Variants in SAMD12 observed in about 807,000 individuals in gnomAD.
SAMD12 encodes sterile alpha motif domain containing 12, also known as sterile alpha motif domain-containing protein 12.
SAMD12 carries 9 observed loss-of-function variants against 15.0 expected under a neutral mutation model. The observed-to-expected ratio is 0.60, with a 90% CI of 0.36 to 1.05. SAMD12 has a LOEUF of 1.05. Ranked by LOEUF, SAMD12 falls within the 50% of genes least tolerant of loss-of-function variation. The pLI, the probability that SAMD12 is intolerant of heterozygous loss-of-function variation, is 0.01. For missense variants in SAMD12, 230 were observed against 234.2 expected, an observed-to-expected ratio of 0.98 and a Z score of 0.12; for synonymous variants, 86 against 90.1, an observed-to-expected ratio of 0.96 and a Z score of 0.25.
intron 4 of SAMD12, among the ~76,000 whole-genome samples, chr8:118,240,750 G>A (rs1563711146): frequency 2.0e-5 from 3 of 146,366 alleles, no homozygotes; most frequent in Admixed American, 7.2e-5. Context: ...ATTGGATTAT[G>A]CAAAAGGAAT....
chr8:118,422,120 A>G (rs1822025309), intron 3 of SAMD12, among the ~76,000 whole-genome samples: 1 of 152,248 alleles, frequency 6.6e-6, no homozygotes, highest in African/African-American at 2.4e-5. Context: ...AGAAATGAAG[A>G]AAGGCTTTTA....
At position 118,529,204 on chromosome 8, in the gene SAMD12, T is replaced by A. The variant is rs548378881; in HGVS notation, c.192+51511A>T. Among the ~76,000 whole-genome samples, 71 of 152,312 alleles carry A rather than the reference T, an allele frequency of 4.7e-4. No individual in the cohort carries two copies. The South Asian group carries it at 0.014, about 31-fold the overall frequency. On this transcript the variant is annotated intron_variant, in intron 2 of 3. Coordinates refer to ENST00000314727, the MANE Select transcript of SAMD12 (RefSeq NM_207506.3). Reference sequence around the variant, plus strand: ...GTTTTTGCTTCCCTCTTAATCTGTTTCATTTACTTTTCAGAGGCCTCAGCT... The same window carrying A: ...GTTTTTGCTTCCCTCTTAATCTGTTACATTTACTTTTCAGAGGCCTCAGCT...
chr8:118,492,961 G>GGA lies in SAMD12; in HGVS notation c.193-53002_193-53001dup, dbSNP rs141850091. ...ATACTACACCAAAATGCAATTTACT[G>GGA]GAGAAGGCATCTCTGCTACATACCC... On this transcript the variant is annotated intron_variant, in intron 2 of 3. Coordinates refer to ENST00000314727, the MANE Select transcript of SAMD12 (RefSeq NM_207506.3). Among the ~76,000 whole-genome samples, 101 of 152,200 alleles carry GGA rather than the reference G, an allele frequency of 6.6e-4. No homozygotes were observed. In the East Asian group the frequency reaches 0.014, roughly 22 times the overall value.
the SAMD12 span, among the ~76,000 whole-genome samples, chr8:118,163,089 T>A: frequency 6.6e-6 from 1 of 151,960 alleles, no homozygotes; most frequent in Non-Finnish European, 1.5e-5. Context: ...GATGGAAAGG[T>A]AGTTTGTAAA....
chr8:118,451,434 G>A (rs1161749487), intron 2 of SAMD12, among the ~76,000 whole-genome samples: 1 of 152,154 alleles, frequency 6.6e-6, no homozygotes, highest in East Asian at 1.9e-4. Flanking sequence ...CGTGGAAGGA[G>A]GTGCATTTCC....
At chr8:118,420,895 C>T (rs1333648005) in intron 3 of SAMD12, among the ~76,000 whole-genome samples, 2 of 152,156 alleles carry the variant, frequency 1.3e-5, no homozygotes, top group South Asian at 4.2e-4. Context: ...ATCTGGCCTG[C>T]CACCTGTTTT....
At chr8:118,589,329 T>C (rs1479240065) in intron 1 of SAMD12, among the ~76,000 whole-genome samples, 5 of 152,194 alleles carry the variant, frequency 3.3e-5, no homozygotes, top group Non-Finnish European at 2.9e-5. Context: ...GGACATGGTC[T>C]TCTCTGGGCC....
At chr8:118,265,615 A>G (rs1190403874) in intron 4 of SAMD12, among the ~76,000 whole-genome samples, 1 of 151,936 alleles carries the variant, frequency 6.6e-6, no homozygotes, top group East Asian at 1.9e-4. Context: ...AATCAGTTGG[A>G]ACTAGATTCC....
intron 2 of SAMD12, among the ~76,000 whole-genome samples, chr8:118,443,357 G>A (rs947198193): frequency 9.9e-5 from 15 of 152,040 alleles, no homozygotes; most frequent in Non-Finnish European, 1.8e-4. Context: ...CCAGCTACGC[G>A]GGAGACAGGA....
At chr8:118,173,929 C>CTATA in the SAMD12 span, among the ~76,000 whole-genome samples, 3 of 149,878 alleles carry the variant, frequency 2.0e-5, no homozygotes, top group African/African-American at 7.3e-5. Flanking sequence ...CACATCCAGC[C>CTATA]TATATATATA....
At chr8:118,488,400 T>C (rs138153619) in intron 2 of SAMD12, among the ~76,000 whole-genome samples, 169 of 152,308 alleles carry the variant, frequency 1.1e-3, no homozygotes, top group African/African-American at 4.0e-3. Context: ...AACAGGAAGG[T>C]GCACTAATCT....
chr8:118,256,467 A>G (rs967345283), intron 4 of SAMD12, among the ~76,000 whole-genome samples: 1 of 152,088 alleles, frequency 6.6e-6, no homozygotes, highest in Non-Finnish European at 1.5e-5. Context: ...AACCTATAAA[A>G]TATAAGAAGA....
intron 1 of SAMD12, among the ~76,000 whole-genome samples, chr8:118,615,361 A>C (rs1054392405): frequency 6.6e-6 from 1 of 152,090 alleles, no homozygotes; most frequent in African/African-American, 2.4e-5. Flanking sequence ...CATTCAGTCT[A>C]ATCTGCTTCT....
intron 4 of SAMD12, among the ~76,000 whole-genome samples, chr8:118,305,095 G>A (rs1815256473): frequency 7.7e-6 from 1 of 129,364 alleles, no homozygotes; most frequent in South Asian, 2.6e-4. Context: ...GTTGCAGTGA[G>A]CCAAGATCGC....
intron 4 of SAMD12, among the ~76,000 whole-genome samples, chr8:118,352,169 T>C (rs575206028): frequency 6.6e-6 from 1 of 152,348 alleles, no homozygotes; most frequent in East Asian, 1.9e-4. Context: ...ACAGTAATGC[T>C]GTTGAAGCAG....
At chr8:118,239,287 T>C (rs1043964269) in intron 4 of SAMD12, among the ~76,000 whole-genome samples, 7 of 152,158 alleles carry the variant, frequency 4.6e-5, no homozygotes, top group Admixed American at 3.3e-4. Context: ...ACTAGGAATA[T>C]AGTAGTAAAT....
chr8:118,374,343 C>T (rs187581568), downstream of SAMD12, among the ~76,000 whole-genome samples: 1 of 152,152 alleles, frequency 6.6e-6, no homozygotes, highest in Admixed American at 6.5e-5. Flanking sequence ...AATAATATTG[C>T]ATTTTGTATA....
At position 118,478,660 on chromosome 8, in the gene SAMD12, C is replaced by T. The variant is rs80313908; in HGVS notation, c.193-38699G>A. Among the ~76,000 whole-genome samples the T allele has an allele frequency of 6.2e-3, 938 of 152,268 alleles. 10 individuals are homozygous for T. Among genetic ancestry groups the T allele is most frequent in the African/African-American group, 0.021 (871 of 41,546 alleles). ...GGCAGAACTGACCAGGCAGTCTGGCCCGAGACTCTCTGCTATTCACCACCA... is the reference window on the plus strand; with the variant it reads ...GGCAGAACTGACCAGGCAGTCTGGCTCGAGACTCTCTGCTATTCACCACCA... On this transcript the variant is annotated intron_variant, in intron 2 of 3. Coordinates refer to ENST00000314727, the MANE Select transcript of SAMD12 (RefSeq NM_207506.3).
intron 4 of SAMD12, among the ~76,000 whole-genome samples, chr8:118,274,966 C>T (rs1367430891): frequency 6.6e-6 from 1 of 152,126 alleles, no homozygotes; most frequent in African/African-American, 2.4e-5. Flanking sequence ...TCCCATGTTT[C>T]TATAGGCTAG....
Sources: gnomAD v4.1 joint callset for allele counts (sites outside exome capture counted in the v4.1 genomes callset) on GRCh38, gnomAD v4.1.1 for gene constraint, MANE v1.5 for transcripts, NCBI Gene and HGNC (gene_info 2026-07-23, HGNC 2026-07-21) for gene names.